The following SLC5A11 variants were observed in gnomAD, a reference collection of about 807,000 sequenced individuals.
SLC5A11 encodes solute carrier family 5 member 11.
In SLC5A11, 48 loss-of-function variants were observed where a neutral mutation model predicts 69.8. The observed-to-expected ratio is 0.69, with a 90% CI of 0.55 to 0.87. The LOEUF is 0.87. Ranked by LOEUF, SLC5A11 falls within the 40% of genes least tolerant of loss-of-function variation. The pLI, the probability that SLC5A11 is intolerant of heterozygous loss-of-function variation, is 0.00. For missense variants in SLC5A11, 784 were observed against 866.1 expected (o/e 0.91, Z 1.19); for synonymous variants, 319 against 342.4 (o/e 0.93, Z 0.75).
At position 24,868,434 on chromosome 16, in the gene SLC5A11, C is replaced by CAAA. The variant is rs527506260; in HGVS notation, c.208-1454_208-1452dup. ...TGAAACCCCGTCTCTACTAAAAATA[C>CAAA]AAAAAAAAAAAAAAATTAGCCGGGC... is the stretch of plus-strand genomic sequence containing the variant. On this transcript the variant is annotated intron_variant, in intron 3 of 15. Transcript: ENST00000347898. Among the ~76,000 whole-genome samples the CAAA allele has an allele frequency of 1.8e-3, 238 of 128,826 alleles. 2 individuals carry two copies. Among genetic ancestry groups the CAAA allele is most frequent in the African/African-American group, 6.3e-3 (222 of 35,186 alleles). 84.5% of individuals were successfully genotyped at this position (128,826 alleles called of 152,430 possible). A position where few individuals can be genotyped will look rare whatever the true frequency, so the allele number is the denominator to read the frequency against.
chr16:24,862,053 G>C (rs2046604498), intron 2 of SLC5A11: 2 of 152,114 alleles, frequency 1.3e-5, no homozygotes, highest in African/African-American at 2.4e-5. Context: ...CCTTGATATT[G>C]AACTTCCAAG....
At chr16:24,890,974 C>T (rs1567658010) in exon 9 of SLC5A11, 1 of 1,614,192 alleles carries the variant, frequency 6.2e-7, no homozygotes, top group Non-Finnish European at 8.5e-7. Flanking sequence ...CGGGAAGATG[C>T]CTTCCATATT....
chr16:24,908,789 A>G (rs2050270151), intron 13 of SLC5A11, 92 bp from the exon 15 acceptor site: 1 of 1,237,534 alleles, frequency 8.1e-7, no homozygotes, highest in Non-Finnish European at 1.1e-6. Flanking sequence ...AGTGACCACC[A>G]CAAGAAAGAC....
At chr16:24,885,275 C>A (rs1001007156) in intron 8 of SLC5A11, among the ~76,000 whole-genome samples, 3 of 130,922 alleles carry the variant, frequency 2.3e-5, no homozygotes, top group South Asian at 2.3e-4. Flanking sequence ...TAGCCAACTT[C>A]TTATTATTGT....
rs1298766036 is a variant in SLC5A11, at chr16:24,870,024, G to T, written c.312+19G>T. On this transcript the variant is annotated intron_variant, in intron 4 of 15. Transcript: ENST00000347898. ...ACTTAATGTAAGTATTTTACCTAGG[G>T]CATAGATGACATCTTACCTCTACCT... is the stretch of plus-strand genomic sequence containing the variant. 6.5e-7 allele frequency: 1 copy of T among 1,543,326 alleles called. No homozygotes were observed. Among genetic ancestry groups the T allele is most frequent in the African/African-American group, 1.4e-5 (1 of 73,558 alleles).
intron 4 of SLC5A11, among the ~76,000 whole-genome samples, chr16:24,871,023 G>A (rs956922068): frequency 2.0e-5 from 3 of 152,016 alleles, no homozygotes; most frequent in Non-Finnish European, 2.9e-5. Flanking sequence ...ATTTTTACTG[G>A]GGTCAGGGCA....
chr16:24,891,252 G>A (rs900292532), intron 9 of SLC5A11, among the ~76,000 whole-genome samples, 178 bp downstream of exon 10: 4 of 151,510 alleles, frequency 2.6e-5, no homozygotes, highest in Non-Finnish European at 4.4e-5. Context: ...TCTGTGAATG[G>A]GAATGACAAA....
At chr16:24,860,298 A>G (rs1006798495) in intron 2 of SLC5A11, among the ~76,000 whole-genome samples, 7 of 151,896 alleles carry the variant, frequency 4.6e-5, no homozygotes, top group Admixed American at 1.3e-4. Context: ...AAAAATATAT[A>G]TAAAAAAATT....
chr16:24,859,385 C>T (rs2059667881), intron 2 of SLC5A11: 1 of 152,110 alleles, frequency 6.6e-6, no homozygotes, highest in Admixed American at 6.6e-5. Context: ...AGCAATTCTC[C>T]CATCTTAGCC....
intron 14 of SLC5A11, among the ~76,000 whole-genome samples, chr16:24,909,839 A>C (rs914865555): frequency 1.4e-4 from 21 of 150,698 alleles, no homozygotes; most frequent in African/African-American, 4.9e-4. Flanking sequence ...TAAAAAAAAA[A>C]AAAAAAAAAA....
At chr16:24,860,512 A>AAATTCCCTGCAGAAG (rs2059721702) in intron 2 of SLC5A11, among the ~76,000 whole-genome samples, 1 of 151,540 alleles carries the variant, frequency 6.6e-6, no homozygotes. Context: ...GCTATAAGAT[A>AAATTCCCTGCAGAAG]AATTCCCTGC....
intron 8 of SLC5A11, among the ~76,000 whole-genome samples, chr16:24,889,543 ATTTTTTTTTTTT>A (rs71156454): frequency 1.9e-4 from 14 of 74,346 alleles, no homozygotes; most frequent in Non-Finnish European, 3.1e-4. Context: ...AGGTCTTACA[ATTTTTTTTTTTT>A]TTTTTTTTTT....
At chr16:24,905,965 CTA>C (rs1442976556) in intron 10 of SLC5A11, among the ~76,000 whole-genome samples, 2 of 152,086 alleles carry the variant, frequency 1.3e-5, no homozygotes, top group Non-Finnish European at 2.9e-5. Context: ...AGGTTTTGTG[CTA>C]TGTTTGGATT....
intron 7 of SLC5A11, 147 bp from the exon 9 acceptor site, chr16:24,883,904 A>G: frequency 1.5e-6 from 1 of 680,042 alleles, no homozygotes; most frequent in South Asian, 1.9e-5. Context: ...GCGTGCACAC[A>G]GGGAGGAGTG....
intron 7 of SLC5A11, 152 bp from the exon 9 acceptor site, chr16:24,883,899 C>T (rs2048211572): frequency 7.7e-6 from 5 of 648,470 alleles, no homozygotes; most frequent in African/African-American, 5.4e-5. Context: ...AATGGGCGTG[C>T]ACACAGGGAG....
At chr16:24,846,463 AG>A (rs2152157464) in intron 1 of SLC5A11, 25 bp downstream of exon 2, 3 of 152,796 alleles carry the variant, frequency 2.0e-5, no homozygotes, top group African/African-American at 7.2e-5. Flanking sequence ...GCCCCCAAAC[AG>A]GTAGCCACTC....
In SLC5A11 at chr16:24,857,163, A is replaced by G. The variant is rs2059573209; in HGVS notation, c.-24-1457A>G. ...GCCTGAATTCTTAACATCTCTCCCCATGAACCTGCCCTCTGTGAAACATCA... is the reference window on the plus strand; with the variant it reads ...GCCTGAATTCTTAACATCTCTCCCCGTGAACCTGCCCTCTGTGAAACATCA... On this transcript the variant is annotated intron_variant, in intron 1 of 15. Transcript: ENST00000347898. Among the ~76,000 whole-genome samples the G allele has an allele frequency of 1.3e-5, 2 of 152,128 alleles. 1 individual carries two copies. Among genetic ancestry groups the G allele is most frequent in the Admixed American group, 1.3e-4 (2 of 15,278 alleles).
At chr16:24,878,282 A>G (rs761813991) in intron 7 of SLC5A11, among the ~76,000 whole-genome samples, 2 of 152,274 alleles carry the variant, frequency 1.3e-5, no homozygotes, top group Non-Finnish European at 2.9e-5. Flanking sequence ...CACAGGCACA[A>G]TACAAGGCTG....
At chr16:24,894,731 C>T (rs971382301) in intron 9 of SLC5A11, among the ~76,000 whole-genome samples, 5 of 151,850 alleles carry the variant, frequency 3.3e-5, no homozygotes, top group East Asian at 3.9e-4. Context: ...ACCCGGGAGG[C>T]GGAGCTTGCA....
Sources: allele counts gnomAD v4.1 joint callset (sites outside exome capture counted in the v4.1 genomes callset), GRCh38; gene constraint gnomAD v4.1.1; transcripts MANE v1.5; gene names NCBI Gene and HGNC (gene_info 2026-07-23, HGNC 2026-07-21).